Variants in ALK observed in about 807,000 individuals in gnomAD.
ALK encodes ALK tyrosine kinase receptor.
A neutral mutation model predicts 163.1 loss-of-function variants in ALK; 74 were observed. The ratio of observed to expected loss-of-function variants is 0.45; its 90% CI spans 0.38 to 0.55. The LOEUF (loss-of-function observed/expected upper bound fraction) is 0.55. ALK is among the 20% of genes least tolerant of loss of function. The probability of loss-of-function intolerance (pLI) is 0.00; values close to 1 mark genes in which losing one functional copy is unlikely to be tolerated. For synonymous variants in ALK, 960 were observed against 843.2 expected, an observed-to-expected ratio of 1.14 and a Z score of -2.40; for missense variants, 2,063 against 2,105.3, an observed-to-expected ratio of 0.98 and a Z score of 0.39.
At chr2:29,789,745 C>A (rs779298741) in intron 1 of ALK, among the ~76,000 whole-genome samples, 21 of 152,218 alleles carry the variant, frequency 1.4e-4, no homozygotes, top group Non-Finnish European at 2.6e-4. Context: ...ACCTAAGGAG[C>A]GTTTAAAATC....
chr2:29,194,615 T>G (rs1036537506), intron 28 of ALK, among the ~76,000 whole-genome samples: 1 of 152,070 alleles, frequency 6.6e-6, no homozygotes, highest in African/African-American at 2.4e-5. Flanking sequence ...TTCTCGTGCC[T>G]CAGCCTCCTG....
chr2:29,226,501 A>G (rs1485249053), intron 18 of ALK, among the ~76,000 whole-genome samples: 1 of 132,834 alleles, frequency 7.5e-6, no homozygotes, highest in African/African-American at 2.7e-5. Flanking sequence ...AAAAAAAAAA[A>G]AGAGGAGGAG....
chr2:29,318,231 TC>T, intron 8 of ALK, 72 bp downstream of exon 8: 1 of 1,305,794 alleles, frequency 7.7e-7, no homozygotes, highest in Non-Finnish European at 1.1e-6. Flanking sequence ...TAGGCTACTT[TC>T]TTAATCTGGG....
intron 3 of ALK, among the ~76,000 whole-genome samples, chr2:29,571,511 A>T (rs1370663969): frequency 6.8e-6 from 1 of 147,588 alleles, no homozygotes; most frequent in Non-Finnish European, 1.5e-5. Flanking sequence ...TTCTGCCATG[A>T]TTCTAAGTTT....
chr2:29,742,858 A>G (rs895079521), intron 1 of ALK, among the ~76,000 whole-genome samples: 1 of 152,158 alleles, frequency 6.6e-6, no homozygotes, highest in African/African-American at 2.4e-5. Context: ...CCCTACCAAA[A>G]TAACAGCTGC....
At chr2:29,610,550 A>T (rs1037911751) in intron 3 of ALK, among the ~76,000 whole-genome samples, 1 of 152,124 alleles carries the variant, frequency 6.6e-6, no homozygotes, top group African/African-American at 2.4e-5. Flanking sequence ...CACACCAGCC[A>T]GCAAACTCGA....
At chr2:29,269,701 G>A (rs1342467643) in intron 11 of ALK, among the ~76,000 whole-genome samples, 1 of 152,184 alleles carries the variant, frequency 6.6e-6, no homozygotes, top group Non-Finnish European at 1.5e-5. Flanking sequence ...CAGAGCATGA[G>A]GTTAATCAGC....
intron 5 of ALK, among the ~76,000 whole-genome samples, chr2:29,330,195 T>G (rs1355696000): frequency 6.6e-6 from 1 of 152,232 alleles, no homozygotes; most frequent in Admixed American, 6.5e-5. Context: ...TCAAGGTCCC[T>G]GTGATCTGGG....
At chr2:29,731,641 G>A (rs1679745540) in intron 1 of ALK, among the ~76,000 whole-genome samples, 1 of 152,200 alleles carries the variant, frequency 6.6e-6, no homozygotes, top group African/African-American at 2.4e-5. Context: ...CACTCAGGCA[G>A]CACTTACACA....
chr2:29,741,193 G>A (rs1242791867), intron 1 of ALK, among the ~76,000 whole-genome samples: 1 of 152,170 alleles, frequency 6.6e-6, no homozygotes, highest in Admixed American at 6.5e-5. Flanking sequence ...GGGGTTAGGA[G>A]TAGGGGTGGG....
intron 2 of ALK, among the ~76,000 whole-genome samples, chr2:29,705,285 A>ATCTC (rs1558451364): frequency 3.0e-4 from 32 of 105,240 alleles, no homozygotes; most frequent in African/African-American, 1.3e-3. Flanking sequence ...ATATATAAAT[A>ATCTC]TATATCTGCT....
At chr2:29,474,839 T>C (rs1322256821) in intron 4 of ALK, among the ~76,000 whole-genome samples, 1 of 152,152 alleles carries the variant, frequency 6.6e-6, no homozygotes, top group Non-Finnish European at 1.5e-5. Flanking sequence ...GGGTGGTTCA[T>C]CAGATCAAGT....
chr2:29,870,214 G>T (rs1666542672), intron 1 of ALK, among the ~76,000 whole-genome samples: 1 of 152,146 alleles, frequency 6.6e-6, no homozygotes, highest in Admixed American at 6.5e-5. Context: ...ACCTGAGACT[G>T]GGTAATTTAT....
intron 3 of ALK, among the ~76,000 whole-genome samples, chr2:29,642,917 T>C (rs1676745877): frequency 6.6e-6 from 1 of 152,214 alleles, no homozygotes; most frequent in Non-Finnish European, 1.5e-5. Flanking sequence ...ATTTAGCACC[T>C]ACATAGTTTG....
chr2:29,535,112 T>A (rs1044352875), intron 3 of ALK, among the ~76,000 whole-genome samples: 2 of 152,222 alleles, frequency 1.3e-5, no homozygotes, highest in Admixed American at 1.3e-4. Flanking sequence ...GGTTTCTATT[T>A]ATTTTGCTCA....
intron 23 of ALK, among the ~76,000 whole-genome samples, chr2:29,219,292 T>A (rs1669720921): frequency 1.3e-5 from 2 of 152,158 alleles, no homozygotes; most frequent in Admixed American, 1.3e-4. Flanking sequence ...TCTCAAGGGG[T>A]AAGACAGTAT....
chr2:29,641,757 C>A (rs1443422564), intron 3 of ALK, among the ~76,000 whole-genome samples: 1 of 152,126 alleles, frequency 6.6e-6, no homozygotes, highest in East Asian at 1.9e-4. Context: ...CTAGTTATTT[C>A]TGTGGCTTTA....
At chr2:29,600,286 A>C (rs959097020) in intron 3 of ALK, among the ~76,000 whole-genome samples, 1 of 152,242 alleles carries the variant, frequency 6.6e-6, no homozygotes, top group Non-Finnish European at 1.5e-5. Flanking sequence ...AACAGAAGTC[A>C]CATGGGGAAA....
chr2:29,861,017 A>C (rs1666276998), intron 1 of ALK, among the ~76,000 whole-genome samples: 2 of 152,138 alleles, frequency 1.3e-5, no homozygotes, highest in African/African-American at 2.4e-5. Context: ...CAAAAAAATA[A>C]AAAAAGTGGT....
Sources: allele counts gnomAD v4.1 joint callset (sites outside exome capture counted in the v4.1 genomes callset), GRCh38; gene constraint gnomAD v4.1.1; transcripts MANE v1.5; gene names NCBI Gene and HGNC (gene_info 2026-07-23, HGNC 2026-07-21).